PANK2: variants seen among roughly 807,000 people sequenced by gnomAD.
The protein encoded by PANK2 is pantothenate kinase 2, mitochondrial.
PANK2 carries 36 observed loss-of-function variants against 43.1 expected under a neutral mutation model. That is an observed-to-expected ratio of 0.84 (90% CI 0.64 to 1.10). The LOEUF (loss-of-function observed/expected upper bound fraction) is 1.10, where lower values mean the gene tolerates loss of function less well. Among genes scored for constraint, PANK2 ranks in the 50% least tolerant of loss-of-function variants. The pLI is 0.00. For missense variants in PANK2, 576 were observed against 593.3 expected (o/e 0.97, Z 0.30); for synonymous variants, 281 against 238.2 (o/e 1.18, Z -1.66).
chr20:3,905,439 C>T lies in PANK2; in HGVS notation c.299-2487C>T, dbSNP rs370769147. On this transcript the variant is annotated intron_variant, in intron 1 of 6. Transcript: ENST00000610179. ...GATCTCCGCTCACTGCTCCGCCTCC[C>T]GGGTTCATGCCATTCTCCTGCCTCA... Among the ~76,000 whole-genome samples, 19 of 151,744 alleles carry T rather than the reference C, an allele frequency of 1.3e-4. 1 individual carries two copies. The highest frequency in any genetic ancestry group is 9.2e-4 in the Admixed American group (14 of 15,202).
At chr20:3,920,832 C>T (rs190980469) in intron 6 of PANK2, among the ~76,000 whole-genome samples, 15 of 152,274 alleles carry the variant, frequency 9.9e-5, no homozygotes, top group Admixed American at 3.3e-4. Flanking sequence ...GCAACAAGAG[C>T]GAAACTCCAT....
intron 1 of PANK2, among the ~76,000 whole-genome samples, chr20:3,890,263 G>A (rs951840279): frequency 6.6e-6 from 1 of 152,164 alleles, no homozygotes; most frequent in African/African-American, 2.4e-5. Flanking sequence ...TTCTTCTCGT[G>A]AGAATCCAGG....
At position 3,923,414 on chromosome 20, in the gene PANK2, G is replaced by A. The variant is rs2090677674; in HGVS notation, c.*120G>A. ...CCTGAAACAAAGTGAGAAAGGACAG[G>A]TGTATTTTTCTAAGTCATCAAGATA... On this transcript the variant is annotated 3_prime_UTR_variant, in exon 7 of 7. Coordinates refer to ENST00000610179, the MANE Select transcript of PANK2 (RefSeq NM_001386393.1). 3 of 1,088,030 alleles carry A rather than the reference G, an allele frequency of 2.8e-6. No individual in the cohort carries two copies. Among genetic ancestry groups the A allele is most frequent in the South Asian group, 2.6e-5 (2 of 76,216 alleles). The allele number at this position is 1,088,030 out of a possible 1,614,324, so 67.4% of individuals were successfully genotyped here.
intron 1 of PANK2, among the ~76,000 whole-genome samples, chr20:3,902,972 G>GACACACACAC (rs11468265): frequency 1.9e-3 from 269 of 141,430 alleles, no homozygotes; most frequent in African/African-American, 6.1e-3. Flanking sequence ...GATGTGTATA[G>GACACACACAC]ACACACACAC....
intron 1 of PANK2, among the ~76,000 whole-genome samples, chr20:3,900,397 TA>T (rs1323568160): frequency 6.6e-6 from 1 of 151,834 alleles, no homozygotes; most frequent in African/African-American, 2.4e-5. Context: ...GTATGACCTT[TA>T]CTGTACTATG....
At chr20:3,910,042 GTT>G (rs2090444007) in intron 2 of PANK2, among the ~76,000 whole-genome samples, 1 of 152,164 alleles carries the variant, frequency 6.6e-6, no homozygotes, top group Admixed American at 6.5e-5. Context: ...GCTGTAGCTA[GTT>G]TAGATAGTGA....
Position 3,923,327 on chromosome 20 carries a change from C to G in PANK2, c.*33C>G. Reference sequence around the variant, plus strand: ...CTGGGGAGGGGTTCCTGAAACCTTCCACAATGGGATCTGTGGACTTTCATT... The same window carrying G: ...CTGGGGAGGGGTTCCTGAAACCTTCGACAATGGGATCTGTGGACTTTCATT... On this transcript the variant is annotated 3_prime_UTR_variant, in exon 7 of 7. Transcript: ENST00000610179. 1 of 1,608,640 alleles carries G rather than the reference C, an allele frequency of 6.2e-7. No homozygotes were observed. Among genetic ancestry groups the G allele is most frequent in the Non-Finnish European group, 8.5e-7 (1 of 1,175,012 alleles).
At chr20:3,901,377 T>G (rs2090298682) in intron 1 of PANK2, among the ~76,000 whole-genome samples, 1 of 150,920 alleles carries the variant, frequency 6.6e-6, no homozygotes, top group South Asian at 2.1e-4. Flanking sequence ...TTTCCCCATT[T>G]CTTGTCAATC....
At chr20:3,894,287 C>A (rs894262565) in intron 1 of PANK2, among the ~76,000 whole-genome samples, 1 of 151,434 alleles carries the variant, frequency 6.6e-6, no homozygotes, top group African/African-American at 2.4e-5. Flanking sequence ...GTTGCCCAGG[C>A]TGGAGTGCAA....
At chr20:3,921,053 T>C (rs994804435) in intron 6 of PANK2, among the ~76,000 whole-genome samples, 1 of 151,470 alleles carries the variant, frequency 6.6e-6, no homozygotes, top group Non-Finnish European at 1.5e-5. Context: ...TTGATGATTA[T>C]TTTATTTTAT....
At chr20:3,907,850 T>A (rs756483692) in intron 1 of PANK2, 76 bp from the exon 2 acceptor site, 119 of 1,272,334 alleles carry the variant, frequency 9.4e-5, no homozygotes, top group Non-Finnish European at 1.2e-4. Flanking sequence ...GCGTTTGAAA[T>A]AAGTTGCTAC....
intron 3 of PANK2, among the ~76,000 whole-genome samples, chr20:3,911,712 A>G (rs997111896): frequency 6.6e-6 from 1 of 150,982 alleles, no homozygotes; most frequent in African/African-American, 2.4e-5. Context: ...GCCAACATGG[A>G]GAAACCCCAT....
chr20:3,902,466 G>T (rs2090317326), intron 1 of PANK2, among the ~76,000 whole-genome samples: 2 of 151,678 alleles, frequency 1.3e-5, no homozygotes, highest in East Asian at 3.9e-4. Context: ...TTTAGTAGAG[G>T]TGGGGTTTCA....
chr20:3,895,732 C>G (rs2090196903), intron 1 of PANK2, among the ~76,000 whole-genome samples: 1 of 152,014 alleles, frequency 6.6e-6, no homozygotes, highest in Non-Finnish European at 1.5e-5. Context: ...TAAATTGCGG[C>G]TTAAAGTTTG....
rs542346117 is a variant in PANK2 at position 3,893,228 on chromosome 20, A to G, written c.298+3500A>G. On this transcript the variant is annotated intron_variant, in intron 1 of 6. Coordinates refer to ENST00000610179, the MANE Select transcript of PANK2 (RefSeq NM_001386393.1). ...GAGTTAGTGATGGAGTTGGGTTTTG[A>G]TTCCTGGTGTCTTGACTTCAGATCC... 3.3e-5 allele frequency among the ~76,000 whole-genome samples: 5 copies of G among 152,138 alleles called. No homozygotes were observed. In the South Asian group the frequency reaches 1.0e-3, roughly 32 times the overall value.
intron 1 of PANK2, chr20:3,901,519 ATC>A: frequency 2.9e-6 from 2 of 698,904 alleles, no homozygotes; most frequent in Non-Finnish European, 3.5e-6. Context: ...ATTAATCAGA[ATC>A]TATCTTTTCT....
chr20:3,903,015 A>C (rs1026067344), intron 1 of PANK2, among the ~76,000 whole-genome samples: 1 of 117,112 alleles, frequency 8.5e-6, no homozygotes, highest in African/African-American at 3.1e-5. Flanking sequence ...ACACACACAC[A>C]CACCCCTTTT....
Position 3,918,715 on chromosome 20 carries a change from T to A in PANK2, c.1251T>A (p.Asn417Lys). Residue 417 changes from asparagine (N) to lysine (K), a missense_variant, in exon 6 of 7, where the codon AAT becomes AAA. This residue lies in a region of PANK2 where 32 missense variants were observed against 64.3 expected (regional missense o/e 0.50). Coordinates refer to ENST00000610179, the MANE Select transcript of PANK2 (RefSeq NM_001386393.1). ...TTGTTGGAAATTTCTTGAGAATTAATACGATCGCCATGCGGCTTTTGGCAT... is the reference window on the plus strand; with the variant it reads ...TTGTTGGAAATTTCTTGAGAATTAAAACGATCGCCATGCGGCTTTTGGCAT... 17 of 1,614,260 alleles carry A rather than the reference T, an allele frequency of 1.1e-5. No individual in the cohort carries two copies. Among genetic ancestry groups the A allele is most frequent in the Non-Finnish European group, 1.4e-5 (17 of 1,180,052 alleles).
chr20:3,910,351 A>C (rs1227378507), intron 2 of PANK2, among the ~76,000 whole-genome samples: 1 of 146,736 alleles, frequency 6.8e-6, no homozygotes, highest in African/African-American at 2.5e-5. Flanking sequence ...CAGCTGCTGC[A>C]GTAGTTTCTA....
Sources: allele counts gnomAD v4.1 joint callset (sites outside exome capture counted in the v4.1 genomes callset), GRCh38; gene constraint gnomAD v4.1.1; regional missense constraint gnomAD v4.1.1; transcripts MANE v1.5; gene names NCBI Gene and HGNC (gene_info 2026-07-23, HGNC 2026-07-21).